The following NTM variants were observed in gnomAD, a reference collection of about 807,000 sequenced individuals.
The protein encoded by NTM is neurotrimin, also known as IgLON family member 2.
A neutral mutation model predicts 42.1 loss-of-function variants in NTM; 13 were observed. The observed-to-expected ratio is 0.31, with a 90% CI of 0.20 to 0.49. NTM has a LOEUF of 0.49. NTM is among the 20% of genes least tolerant of loss of function. The probability of loss-of-function intolerance (pLI) is 0.99; values close to 1 mark genes in which losing one functional copy is unlikely to be tolerated. For missense variants in NTM, 373 were observed against 452.8 expected (o/e 0.82, Z 1.60); for synonymous variants, 187 against 179.2 (o/e 1.04, Z -0.35).
chr11:132,000,328 A>G (rs544884349), intron 2 of NTM, among the ~76,000 whole-genome samples: 3 of 152,266 alleles, frequency 2.0e-5, no homozygotes, highest in Admixed American at 1.3e-4. Context: ...AAAGATTTCC[A>G]TATCATCAAC....
intron 3 of NTM, among the ~76,000 whole-genome samples, chr11:132,147,341 G>C (rs1308071819): frequency 6.6e-6 from 1 of 152,018 alleles, no homozygotes; most frequent in African/African-American, 2.4e-5. Flanking sequence ...ACTTAACCCG[G>C]TTGAAGGATT....
chr11:131,464,701 G>A (rs1247301486), intron 1 of NTM, among the ~76,000 whole-genome samples: 1 of 152,206 alleles, frequency 6.6e-6, no homozygotes, highest in Non-Finnish European at 1.5e-5. Context: ...GCCCCGAGGG[G>A]CCAGGACGCC....
intron 1 of NTM, among the ~76,000 whole-genome samples, chr11:131,418,727 C>G (rs769103753): frequency 5.9e-5 from 9 of 152,152 alleles, no homozygotes; most frequent in Non-Finnish European, 1.2e-4. Context: ...AGAGATAAAA[C>G]CAAAATCTAG....
chr11:131,574,067 C>G (rs937162473), intron 1 of NTM, among the ~76,000 whole-genome samples: 1 of 152,084 alleles, frequency 6.6e-6, no homozygotes, highest in Non-Finnish European at 1.5e-5. Flanking sequence ...GGGAGGAGTT[C>G]GGCTGTGCAG....
chr11:132,019,268 G>C (rs1332270798), intron 2 of NTM, among the ~76,000 whole-genome samples: 2 of 110,512 alleles, frequency 1.8e-5, no homozygotes, highest in Admixed American at 1.8e-4. Flanking sequence ...GAGATCTTTT[G>C]CCTTTTTTTA....
chr11:131,468,548 T>A (rs932245074), intron 1 of NTM, among the ~76,000 whole-genome samples: 6 of 151,788 alleles, frequency 4.0e-5, no homozygotes, highest in African/African-American at 9.7e-5. Context: ...TTTTTGTGAG[T>A]TTTTTTTCTA....
At chr11:131,831,036 A>G (rs2042754564) in intron 1 of NTM, among the ~76,000 whole-genome samples, 1 of 152,164 alleles carries the variant, frequency 6.6e-6, no homozygotes. Context: ...AACTTTACTG[A>G]AGTCCTTTAT....
rs78279800 is a variant in NTM, at chr11:131,934,090, T to C, written c.167+22442T>C. On this transcript the variant is annotated intron_variant, in intron 2 of 8. Transcript: ENST00000683400. ...CCTGTGTTCTAAACAACAGCACTGG[T>C]CTTTTTTATGTATAGTTACCATGTG... Among the ~76,000 whole-genome samples the C allele has an allele frequency of 8.2e-3, 1,246 of 152,300 alleles. 21 individuals are homozygous for C. Among genetic ancestry groups the C allele is most frequent in the African/African-American group, 0.028 (1,176 of 41,534 alleles).
At chr11:132,105,785 G>A (rs1364350085) in intron 2 of NTM, among the ~76,000 whole-genome samples, 1 of 152,178 alleles carries the variant, frequency 6.6e-6, no homozygotes, top group African/African-American at 2.4e-5. Flanking sequence ...CTTCATGCTG[G>A]CAGACATTGG....
At chr11:131,999,639 A>C (rs746605824) in intron 2 of NTM, among the ~76,000 whole-genome samples, 2 of 152,214 alleles carry the variant, frequency 1.3e-5, no homozygotes, top group Non-Finnish European at 2.9e-5. Context: ...AAGTTAGTGG[A>C]GAAAACAGGT....
chr11:131,808,086 G>A (rs1255539812), intron 1 of NTM, among the ~76,000 whole-genome samples: 2 of 152,190 alleles, frequency 1.3e-5, no homozygotes, highest in Non-Finnish European at 2.9e-5. Flanking sequence ...TGGCTGGACA[G>A]GTGACTCACT....
intron 1 of NTM, among the ~76,000 whole-genome samples, chr11:131,845,736 C>T (rs963181100): frequency 6.6e-6 from 1 of 150,808 alleles, no homozygotes; most frequent in Non-Finnish European, 1.5e-5. Context: ...TTTTCTTGCT[C>T]TCTAAAACCA....
At chr11:131,691,186 C>T (rs1395003336) in intron 1 of NTM, among the ~76,000 whole-genome samples, 1 of 152,174 alleles carries the variant, frequency 6.6e-6, no homozygotes, top group East Asian at 1.9e-4. Context: ...CGGCCCTGCA[C>T]CCACAGCCTA....
intron 1 of NTM, among the ~76,000 whole-genome samples, chr11:131,848,558 C>T (rs928589834): frequency 7.2e-5 from 11 of 152,236 alleles, no homozygotes; most frequent in African/African-American, 2.7e-4. Context: ...ATAGCAGCCT[C>T]CACTTCACTG....
intron 1 of NTM, among the ~76,000 whole-genome samples, chr11:131,526,335 G>T (rs1036854029): frequency 6.6e-6 from 1 of 152,200 alleles, no homozygotes; most frequent in African/African-American, 2.4e-5. Context: ...GCAGGTGTGG[G>T]TCCACAGTGG....
intron 1 of NTM, among the ~76,000 whole-genome samples, chr11:131,473,901 G>C (rs767131818): frequency 6.6e-6 from 1 of 151,990 alleles, no homozygotes. Flanking sequence ...ACCTTTTCTT[G>C]ATCTACTTTT....
At chr11:131,516,543 A>G (rs2048918153) in intron 1 of NTM, among the ~76,000 whole-genome samples, 1 of 152,094 alleles carries the variant, frequency 6.6e-6, no homozygotes, top group South Asian at 2.1e-4. Context: ...ATGCCCAGCT[A>G]ATTTATCTAG....
chr11:131,974,197 G>A (rs1396618435), intron 2 of NTM, among the ~76,000 whole-genome samples: 1 of 152,088 alleles, frequency 6.6e-6, no homozygotes, highest in Non-Finnish European at 1.5e-5. Context: ...CATTAATTTT[G>A]TGGGGTGTCA....
chr11:132,275,069 G>A (rs1487551493), intron 4 of NTM, among the ~76,000 whole-genome samples: 2 of 151,800 alleles, frequency 1.3e-5, no homozygotes, highest in African/African-American at 4.8e-5. Flanking sequence ...GTTATCTTTT[G>A]ATAAACTTAT....
Sources: allele counts gnomAD v4.1 joint callset (sites outside exome capture counted in the v4.1 genomes callset), GRCh38; gene constraint gnomAD v4.1.1; transcripts MANE v1.5; gene names NCBI Gene and HGNC (gene_info 2026-07-23, HGNC 2026-07-21).